Variants in RIT2 observed in about 807,000 individuals in gnomAD.
RIT2 encodes the protein Ras like without CAAX 2.
A neutral mutation model predicts 23.7 loss-of-function variants in RIT2; 24 were observed. The observed-to-expected ratio is 1.01, with a 90% CI of 0.73 to 1.43. The LOEUF (loss-of-function observed/expected upper bound fraction) is 1.43, where lower values mean the gene tolerates loss of function less well. Among genes scored for constraint, RIT2 ranks in the 40% most tolerant of loss-of-function variants. RIT2 has a pLI of 0.00. For missense variants in RIT2, 236 were observed against 266.9 expected (o/e 0.88, Z 0.81); for synonymous variants, 107 against 91.1 (o/e 1.17, Z -0.99).
intron 4 of RIT2, among the ~76,000 whole-genome samples, chr18:42,775,898 C>A (rs1254518162): frequency 6.6e-6 from 1 of 151,686 alleles, no homozygotes; most frequent in Non-Finnish European, 1.5e-5. Flanking sequence ...TAAATACACA[C>A]ATACACACAC....
At chr18:42,822,354 A>G (rs1200020131) in intron 4 of RIT2, among the ~76,000 whole-genome samples, 1 of 152,106 alleles carries the variant, frequency 6.6e-6, no homozygotes, top group African/African-American at 2.4e-5. Context: ...GGGATCCAAA[A>G]TTTAGACCCT....
intron 4 of RIT2, among the ~76,000 whole-genome samples, chr18:42,858,257 A>G (rs1366525691): frequency 6.6e-6 from 1 of 152,188 alleles, no homozygotes; most frequent in Non-Finnish European, 1.5e-5. Flanking sequence ...AGGTGATAAT[A>G]TATGAAAGCT....
chr18:43,032,680 C>T (rs1049162107), intron 2 of RIT2, among the ~76,000 whole-genome samples: 28 of 52,206 alleles, frequency 5.4e-4, no homozygotes, highest in African/African-American at 2.1e-3. Context: ...CCAGTTATCA[C>T]ATACTAATTG....
At chr18:42,887,187 A>T (rs1439841668) in intron 4 of RIT2, among the ~76,000 whole-genome samples, 1 of 152,226 alleles carries the variant, frequency 6.6e-6, no homozygotes, top group African/African-American at 2.4e-5. Flanking sequence ...CCAAGACTTT[A>T]CAGGCCAATT....
intron 4 of RIT2, among the ~76,000 whole-genome samples, chr18:42,763,192 G>A (rs896655864): frequency 1.3e-5 from 2 of 152,216 alleles, no homozygotes; most frequent in South Asian, 2.1e-4. Context: ...GCTGGGTGCT[G>A]TGGCTCACGC....
rs560711011 is a variant in RIT2 at position 42,744,007 on chromosome 18, G to T, written c.427-287C>A. ...ATTCCACCAGAAAAGAAGTGAAAATGGTCGGTCCTTGCCTTAAGTGATGAC... is the reference window on the plus strand; with the variant it reads ...ATTCCACCAGAAAAGAAGTGAAAATTGTCGGTCCTTGCCTTAAGTGATGAC... On this transcript the variant is annotated intron_variant, in intron 4 of 4. Transcript: ENST00000326695. Among the ~76,000 whole-genome samples the T allele has an allele frequency of 3.3e-5, 5 of 152,256 alleles. 1 individual carries two copies. The highest frequency in any genetic ancestry group is 1.2e-4 in the African/African-American group (5 of 41,560).
intron 1 of RIT2, among the ~76,000 whole-genome samples, chr18:43,064,085 T>A (rs553733282): frequency 6.6e-6 from 1 of 152,298 alleles, no homozygotes; most frequent in Admixed American, 6.5e-5. Flanking sequence ...TTCCTTAACA[T>A]TTATTCAATA....
chr18:42,930,720 A>G (rs1909305618), intron 3 of RIT2, among the ~76,000 whole-genome samples: 1 of 152,098 alleles, frequency 6.6e-6, no homozygotes, highest in African/African-American at 2.4e-5. Flanking sequence ...AAATGGAACC[A>G]TCCATAGATA....
intron 2 of RIT2, among the ~76,000 whole-genome samples, chr18:43,021,560 T>C (rs530630273): frequency 6.6e-6 from 1 of 152,234 alleles, no homozygotes; most frequent in East Asian, 1.9e-4. Context: ...GGGTGGTTTC[T>C]CATGAATGGT....
At chr18:43,050,399 A>C (rs1194742124) in intron 1 of RIT2, among the ~76,000 whole-genome samples, 5 of 152,094 alleles carry the variant, frequency 3.3e-5, no homozygotes, top group Non-Finnish European at 4.4e-5. Flanking sequence ...CATTTCTGGG[A>C]GCAGGAATAC....
rs575305060 is a variant in RIT2 at position 42,951,592 on chromosome 18, G to GAA, written c.234+22480_234+22481dup. On this transcript the variant is annotated intron_variant, in intron 3 of 4. Transcript: ENST00000326695. ...TGAATCTAAAATAAAAGTTAAAAAA[G>GAA]AAAAAAATATATATATATATAAACA... Among the ~76,000 whole-genome samples the GAA allele has an allele frequency of 5.4e-3, 788 of 144,618 alleles. 3 individuals carry two copies. Among genetic ancestry groups the GAA allele is most frequent in the African/African-American group, 0.02 (747 of 37,154 alleles). 94.9% of individuals were successfully genotyped at this position (144,618 alleles called of 152,430 possible). A position where few individuals can be genotyped will look rare whatever the true frequency, so the allele number is the denominator to read the frequency against.
At chr18:43,082,808 T>G (rs972965645) in intron 1 of RIT2, among the ~76,000 whole-genome samples, 1 of 152,128 alleles carries the variant, frequency 6.6e-6, no homozygotes, top group Non-Finnish European at 1.5e-5. Context: ...AGCATTCCCT[T>G]TGAAAACAGG....
chr18:43,050,574 G>C (rs932412882), intron 1 of RIT2, among the ~76,000 whole-genome samples: 1 of 152,056 alleles, frequency 6.6e-6, no homozygotes, highest in Admixed American at 6.6e-5. Context: ...TCAGTCTTTT[G>C]TTACAATGTT....
intron 3 of RIT2, among the ~76,000 whole-genome samples, chr18:42,933,653 A>T (rs1909381629): frequency 6.6e-6 from 1 of 152,144 alleles, no homozygotes. Context: ...GATGAAGGAC[A>T]TATTTACTTC....
chr18:42,783,831 G>A (rs1913865998), intron 4 of RIT2, among the ~76,000 whole-genome samples: 1 of 151,934 alleles, frequency 6.6e-6, no homozygotes, highest in South Asian at 2.1e-4. Context: ...ATGAGAGCTG[G>A]ATTATAATTC....
intron 2 of RIT2, among the ~76,000 whole-genome samples, chr18:42,984,304 A>G (rs1247291890): frequency 6.6e-6 from 1 of 152,108 alleles, no homozygotes; most frequent in East Asian, 1.9e-4. Context: ...TGAAACAGCC[A>G]ATCTTTATTG....
intron 2 of RIT2, among the ~76,000 whole-genome samples, chr18:43,019,924 A>G (rs769007377): frequency 2.3e-4 from 35 of 152,014 alleles, no homozygotes; most frequent in African/African-American, 7.7e-4. Context: ...CAAGGATTCA[A>G]TCCCATCTAC....
At chr18:42,804,835 AATTTG>A in intron 4 of RIT2, among the ~76,000 whole-genome samples, 1 of 152,168 alleles carries the variant, frequency 6.6e-6, no homozygotes. Context: ...TAAAACCTGG[AATTTG>A]TAATTCTCTG....
At chr18:43,103,107 G>C (rs114294809) in intron 1 of RIT2, among the ~76,000 whole-genome samples, 1 of 152,088 alleles carries the variant, frequency 6.6e-6, no homozygotes, top group African/African-American at 2.4e-5. Context: ...GTTAATGCTG[G>C]CCTGAGTCTA....
Sources: gnomAD v4.1 joint callset for allele counts (sites outside exome capture counted in the v4.1 genomes callset) on GRCh38, gnomAD v4.1.1 for gene constraint, MANE v1.5 for transcripts, NCBI Gene and HGNC (gene_info 2026-07-23, HGNC 2026-07-21) for gene names.